Variants in ADGRF5 observed in about 807,000 individuals in gnomAD.
ADGRF5 encodes adhesion G protein-coupled receptor F5.
In ADGRF5, 75 loss-of-function variants were observed where a neutral mutation model predicts 132.3. That is an observed-to-expected ratio of 0.57 (90% confidence interval 0.47 to 0.69). ADGRF5 has a LOEUF of 0.69. Ranked by LOEUF, ADGRF5 falls within the 30% of genes least tolerant of loss-of-function variation. The pLI, the probability that ADGRF5 is intolerant of heterozygous loss-of-function variation, is 0.00. For synonymous variants in ADGRF5, 629 were observed against 597.6 expected, an observed-to-expected ratio of 1.05 and a Z score of -0.77; for missense variants, 1,516 against 1,630.6, an observed-to-expected ratio of 0.93 and a Z score of 1.21.
Position 46,858,241 on chromosome 6 carries a change from A to G in ADGRF5, c.3662T>C (p.Ile1221Thr), listed in dbSNP as rs145650405. ...KSSLFQISKS[I>T]GVLTPLLGLT... is the part of the protein sequence containing the mutation. ...GCCCAAGAGTGGTGTGAGGACCCCA[A>G]TGCTCTTGCTGATCTGAAACAGGCT... Residue 1221 changes from isoleucine to threonine, a missense_variant, in exon 17 of 21, where the codon ATT (isoleucine) becomes ACT (threonine). Ile to Thr is a moderately conservative substitution (Grantham distance 89). Coordinates refer to ENST00000283296, the MANE Select transcript of ADGRF5 (RefSeq NM_001098518.2). The G allele has an allele frequency of 3.1e-4, 504 of 1,614,036 alleles. 1 individual carries two copies. The highest frequency in any genetic ancestry group is 3.8e-4 in the Non-Finnish European group (451 of 1,179,978).
chr6:46,897,145 T>TACAC lies in ADGRF5; in HGVS notation c.157+2880_157+2883dup, dbSNP rs10655432. On this transcript the variant is annotated intron_variant, in intron 3 of 20. Transcript: ENST00000283296. ...ACACAGACATATGCATGCATATATA[T>TACAC]ACACACACACACACACACACACACA... 7.8e-3 allele frequency among the ~76,000 whole-genome samples: 1,109 copies of TACAC among 141,850 alleles called. 3 individuals carry two copies. Among genetic ancestry groups the TACAC allele is most frequent in the Middle Eastern group, 0.035 (10 of 282 alleles). 93.1% of individuals were successfully genotyped at this position (141,850 alleles called of 152,430 possible).
chr6:46,909,688 G>A (rs1451092698), intron 1 of ADGRF5, among the ~76,000 whole-genome samples: 2 of 152,124 alleles, frequency 1.3e-5, no homozygotes, highest in Admixed American at 1.3e-4. Flanking sequence ...GAAACAACCG[G>A]TGCTGGCTGG....
In ADGRF5 at chr6:46,879,839, T is replaced by G. The variant is rs1772249209; in HGVS notation, c.1015A>C (p.Asn339His). Residue 339 changes from asparagine (N) to histidine (H), a missense_variant, in exon 9 of 21, where the codon AAC becomes CAC. This residue lies in a region of ADGRF5 where 945 missense variants were observed against 929.4 expected (regional missense o/e 1.02). Transcript: ENST00000283296. ...CTACCTGCATCACCTGGAGTGATGT[T>G]GTGGATGGTGAGCTTGGACACCGAA... Reference protein sequence around the residue: ...MTSVSKLTIHNITPGDAGEYV... With the variant: ...MTSVSKLTIHHITPGDAGEYV... 1 of 1,612,788 alleles carries G rather than the reference T, an allele frequency of 6.2e-7. No homozygotes were observed. The highest frequency in any genetic ancestry group is 8.5e-7 in the Non-Finnish European group (1 of 1,178,760).
chr6:46,870,166 A>T (rs930370940), intron 11 of ADGRF5, among the ~76,000 whole-genome samples: 6 of 151,542 alleles, frequency 4.0e-5, no homozygotes, highest in Admixed American at 6.6e-5. Flanking sequence ...TAATATTATT[A>T]TTTTTTTCTT....
chr6:46,903,041 G>A (rs2150887856), intron 2 of ADGRF5, among the ~76,000 whole-genome samples: 1 of 152,316 alleles, frequency 6.6e-6, no homozygotes, highest in South Asian at 2.1e-4. Flanking sequence ...AGGCATGTCA[G>A]GTGCTCAGTG....
intron 10 of ADGRF5, among the ~76,000 whole-genome samples, chr6:46,877,306 T>TTCCTTCCTTCCTTCC (rs1562175084): frequency 1.3e-5 from 1 of 77,198 alleles, no homozygotes; most frequent in African/African-American, 5.7e-5. Context: ...TCTCTCTCTC[T>TTCCTTCCTTCCTTCC]TTCCTTCCTT....
chr6:46,863,291 T>C, intron 14 of ADGRF5, 195 bp from the exon 15 acceptor site: 3 of 679,552 alleles, frequency 4.4e-6, no homozygotes, highest in Non-Finnish European at 2.7e-6. Flanking sequence ...CACATGAACC[T>C]GACTTCTGTA....
At chr6:46,896,253 A>C (rs113464529) in intron 3 of ADGRF5, among the ~76,000 whole-genome samples, 120 of 152,244 alleles carry the variant, frequency 7.9e-4, no homozygotes, top group African/African-American at 2.8e-3. Context: ...GAATCGTGAC[A>C]TGACTCGGGA....
At chr6:46,925,837 G>A (rs1367829907), upstream of ADGRF5, among the ~76,000 whole-genome samples, 1 of 152,232 alleles carries the variant, frequency 6.6e-6, no homozygotes, top group Non-Finnish European at 1.5e-5. Flanking sequence ...GCCCTGGCCA[G>A]CATAGCTAAA....
intron 1 of ADGRF5, among the ~76,000 whole-genome samples, chr6:46,951,961 A>G (rs1434798582): frequency 6.6e-6 from 1 of 152,192 alleles, no homozygotes; most frequent in East Asian, 1.9e-4. Context: ...CCAAATTACC[A>G]TGAAGCATGA....
rs764715064 is a variant in ADGRF5, at chr6:46,860,806, A to T, written c.2288T>A (p.Ile763Asn). 6.2e-7 allele frequency: 1 copy of T among 1,613,684 alleles called. No homozygotes were observed. The highest frequency in any genetic ancestry group is 1.1e-5 in the South Asian group (1 of 91,080). Residue 763 changes from isoleucine to asparagine, a missense_variant, in exon 16 of 21, where the codon ATC (isoleucine) becomes AAC (asparagine). Coordinates refer to ENST00000283296, the MANE Select transcript of ADGRF5 (RefSeq NM_001098518.2). ...TCCCAGACTCCCAGGAGAAGAGCTG[A>T]TTTCATGTTCCGCTTTGTCTATGCT... ...SISIDKAEHEISSSPGSLGAI... is the reference protein window; with the variant it reads ...SISIDKAEHENSSSPGSLGAI...
At chr6:46,859,821 T>TTTATTTTATTTTATG (rs2150782926) in intron 16 of ADGRF5, among the ~76,000 whole-genome samples, 1 of 148,524 alleles carries the variant, frequency 6.7e-6, no homozygotes, top group South Asian at 2.1e-4. Flanking sequence ...TATTTACTAT[T>TTTATTTTATTTTATG]TTATTTTATT....
intron 3 of ADGRF5, among the ~76,000 whole-genome samples, chr6:46,890,386 C>T (rs1308022159): frequency 2.6e-5 from 4 of 151,696 alleles, no homozygotes; most frequent in Non-Finnish European, 4.4e-5. Context: ...AGCTGCTGTG[C>T]CCAGTCATTG....
rs1322511030 is a variant in ADGRF5 at position 46,853,700 on chromosome 6, T to C, written c.*292A>G. On this transcript the variant is annotated 3_prime_UTR_variant, in exon 21 of 21. Coordinates refer to ENST00000283296, the MANE Select transcript of ADGRF5 (RefSeq NM_001098518.2). ...AAAAAGTGAAAATGTCTCTTCGAAA[T>C]TCTATATTACAATATAGACAGAGAA... is the stretch of plus-strand genomic sequence containing the variant. The C allele has an allele frequency of 5.1e-6, 1 of 197,802 alleles. No individual in the cohort carries two copies. The highest frequency in any genetic ancestry group is 1.0e-5 in the Non-Finnish European group (1 of 98,204). 12.3% of individuals were successfully genotyped at this position (197,802 alleles called of 1,614,324 possible). A position where few individuals can be genotyped will look rare whatever the true frequency, so the allele number is the denominator to read the frequency against.
At chr6:46,914,213 G>C (rs1476517088) in intron 1 of ADGRF5, among the ~76,000 whole-genome samples, 1 of 152,156 alleles carries the variant, frequency 6.6e-6, no homozygotes, top group Non-Finnish European at 1.5e-5. Context: ...AATAAGGATA[G>C]AATGCCATCA....
chr6:46,859,582 A>G, intron 16 of ADGRF5, 59 bp from the exon 17 acceptor site: 11 of 1,045,348 alleles, frequency 1.1e-5, no homozygotes, highest in Non-Finnish European at 1.6e-5. Flanking sequence ...TAAAAAAGAA[A>G]AAAACAACAT....
At chr6:46,856,602 A>G in intron 19 of ADGRF5, 116 bp downstream of exon 19, 3 of 683,886 alleles carry the variant, frequency 4.4e-6, no homozygotes, top group Non-Finnish European at 7.7e-6. Flanking sequence ...AGGATGCAAT[A>G]TATTTAGCCT....
chr6:46,907,310 T>C (rs924936286), intron 1 of ADGRF5, among the ~76,000 whole-genome samples: 4 of 152,288 alleles, frequency 2.6e-5, no homozygotes, highest in African/African-American at 9.6e-5. Flanking sequence ...GTGCATAATA[T>C]AGAATATTAG....
chr6:46,902,189 T>C (rs1774847051), intron 2 of ADGRF5, among the ~76,000 whole-genome samples: 1 of 152,238 alleles, frequency 6.6e-6, no homozygotes, highest in South Asian at 2.1e-4. Context: ...GAGAATGCTT[T>C]GGCTTTCTGC....
Sources: gnomAD v4.1 joint callset for allele counts (sites outside exome capture counted in the v4.1 genomes callset) on GRCh38, gnomAD v4.1.1 for gene constraint, gnomAD v4.1.1 regional missense constraint, MANE v1.5 for transcripts, NCBI Gene and HGNC (gene_info 2026-07-23, HGNC 2026-07-21) for gene names.